Variants in CNTN4 observed in about 807,000 individuals in gnomAD.
The protein encoded by CNTN4 is contactin-4.
Under a neutral mutation model 122.5 loss-of-function variants are expected in CNTN4, and 77 were observed. The ratio of observed to expected loss-of-function variants is 0.63; its 90% CI spans 0.52 to 0.76. The LOEUF (loss-of-function observed/expected upper bound fraction) is 0.76, where lower values mean the gene tolerates loss of function less well. Among genes scored for constraint, CNTN4 ranks in the 30% least tolerant of loss-of-function variants. CNTN4 has a pLI of 0.00. For synonymous variants in CNTN4, 512 were observed against 447.0 expected, an observed-to-expected ratio of 1.15 and a Z score of -1.83; for missense variants, 1,256 against 1,259.1, an observed-to-expected ratio of 1.00 and a Z score of 0.04.
At chr3:2,724,919 G>GC (rs1435603208) in intron 4 of CNTN4, among the ~76,000 whole-genome samples, 2 of 151,956 alleles carry the variant, frequency 1.3e-5, no homozygotes, top group Non-Finnish European at 2.9e-5. Flanking sequence ...GCGTTGGAGA[G>GC]ATAGCTGGGG....
At chr3:2,139,887 G>GTTT (rs745807522) in intron 2 of CNTN4, among the ~76,000 whole-genome samples, 9 of 152,208 alleles carry the variant, frequency 5.9e-5, no homozygotes, top group African/African-American at 9.6e-5. Context: ...ACCTGATACG[G>GTTT]TTTGTCTGTG....
chr3:2,564,267 T>G (rs983991029), intron 3 of CNTN4, among the ~76,000 whole-genome samples: 1 of 152,142 alleles, frequency 6.6e-6, no homozygotes, highest in Non-Finnish European at 1.5e-5. Flanking sequence ...AAAGTAAAAG[T>G]TAAATAAAAC....
chr3:2,981,730 T>C (rs1288245591), intron 13 of CNTN4, among the ~76,000 whole-genome samples: 1 of 152,168 alleles, frequency 6.6e-6, no homozygotes, highest in African/African-American at 2.4e-5. Context: ...CTTTATAGCT[T>C]ATTTCTGGCT....
chr3:2,581,674 G>T (rs2079945258), intron 4 of CNTN4, among the ~76,000 whole-genome samples: 1 of 152,074 alleles, frequency 6.6e-6, no homozygotes, highest in South Asian at 2.1e-4. Context: ...AAATTGCATT[G>T]ACCAAAACAG....
intron 3 of CNTN4, among the ~76,000 whole-genome samples, chr3:2,504,050 G>C (rs9990151): frequency 0.38 from 57,698 of 151,590 alleles, 11,167 homozygotes; most frequent in Admixed American, 0.47. Flanking sequence ...AAAAATGCTA[G>C]AACAAAATAG....
chr3:2,376,880 G>A (rs1417763156), intron 3 of CNTN4, among the ~76,000 whole-genome samples: 1 of 152,012 alleles, frequency 6.6e-6, no homozygotes, highest in East Asian at 1.9e-4. Context: ...GAGCTCAGCA[G>A]GGCGCGGTGG....
Position 2,581,187 on chromosome 3 carries a change from T to C in CNTN4, c.55+9629T>C, listed in dbSNP as rs73805340. On this transcript the variant is annotated intron_variant, in intron 4 of 24. Transcript: ENST00000418658. ...CTTGTTTTAACAAGGCCTCCAAGGG[T>C]TGTGTTTCTCAATCTTACCAGCCTG... is the stretch of plus-strand genomic sequence containing the variant. Among the ~76,000 whole-genome samples the C allele has an allele frequency of 5.3e-3, 811 of 152,164 alleles. 12 individuals carry two copies. Among genetic ancestry groups the C allele is most frequent in the African/African-American group, 0.019 (775 of 41,530 alleles).
At chr3:2,538,015 C>T (rs1426569820) in intron 3 of CNTN4, among the ~76,000 whole-genome samples, 1 of 151,806 alleles carries the variant, frequency 6.6e-6, no homozygotes. Context: ...CTGATTGTGA[C>T]CTTATTTGTA....
At chr3:2,862,863 G>A (rs983107164) in intron 7 of CNTN4, among the ~76,000 whole-genome samples, 3 of 152,052 alleles carry the variant, frequency 2.0e-5, no homozygotes, top group Non-Finnish European at 2.9e-5. Context: ...GGTTCTTAAG[G>A]GAAATCTCAA....
intron 24 of CNTN4, among the ~76,000 whole-genome samples, chr3:3,054,308 C>T (rs1359968527): frequency 2.6e-5 from 4 of 152,054 alleles, no homozygotes; most frequent in Non-Finnish European, 4.4e-5. Context: ...AAAGCATTGA[C>T]TCAGTCAGAA....
intron 4 of CNTN4, among the ~76,000 whole-genome samples, chr3:2,712,901 G>T (rs909731977): frequency 9.9e-5 from 15 of 152,186 alleles, no homozygotes; most frequent in Non-Finnish European, 2.2e-4. Context: ...GATCCTGGAG[G>T]GTGGCTCACC....
chr3:2,816,794 C>A (rs2092742037), intron 6 of CNTN4, among the ~76,000 whole-genome samples: 2 of 122,740 alleles, frequency 1.6e-5, no homozygotes, highest in African/African-American at 6.2e-5. Flanking sequence ...GCACTCCAGT[C>A]TGGCAACAGA....
At chr3:2,903,101 A>C in intron 12 of CNTN4, 96 bp downstream of exon 12, 2 of 1,275,780 alleles carry the variant, frequency 1.6e-6, no homozygotes, top group Admixed American at 2.0e-5. Flanking sequence ...ATCCAAGAAA[A>C]GGAGTAAAGA....
At chr3:2,663,827 G>A (rs1380780780) in intron 4 of CNTN4, among the ~76,000 whole-genome samples, 1 of 152,140 alleles carries the variant, frequency 6.6e-6, no homozygotes, top group African/African-American at 2.4e-5. Flanking sequence ...AGGGAATAAA[G>A]TACTGATGCA....
rs1031694441 is a variant in CNTN4 at position 2,618,154 on chromosome 3, T to C, written c.55+46596T>C. 2.0e-5 allele frequency among the ~76,000 whole-genome samples: 3 copies of C among 152,126 alleles called. No homozygotes were observed. The East Asian group carries it at 5.8e-4, about 29-fold the overall frequency. ...TAGGTATGGGGGAATGGATAATGCT[T>C]AGAACCATCCTGGCACATAGAAAGT... On this transcript the variant is annotated intron_variant, in intron 4 of 24. Coordinates refer to ENST00000418658, the MANE Select transcript of CNTN4 (RefSeq NM_175607.3).
chr3:2,745,813 A>G, intron 6 of CNTN4, 116 bp downstream of exon 6: 2 of 894,742 alleles, frequency 2.2e-6, no homozygotes, highest in South Asian at 3.0e-5. Flanking sequence ...TTACATGATC[A>G]TCTTTACTCT....
chr3:2,639,173 A>G (rs1576312034), intron 4 of CNTN4, among the ~76,000 whole-genome samples: 1 of 152,150 alleles, frequency 6.6e-6, no homozygotes, highest in Non-Finnish European at 1.5e-5. Context: ...GAGCAAAGCC[A>G]AAGTCCTTCT....
At chr3:2,124,290 G>T (rs1227589014) in intron 2 of CNTN4, among the ~76,000 whole-genome samples, 3 of 152,110 alleles carry the variant, frequency 2.0e-5, no homozygotes, top group African/African-American at 7.2e-5. Flanking sequence ...TTTCTCAACG[G>T]TTAGCCATGC....
At chr3:2,818,955 T>C (rs370367047) in intron 6 of CNTN4, among the ~76,000 whole-genome samples, 1 of 152,248 alleles carries the variant, frequency 6.6e-6, no homozygotes, top group South Asian at 2.1e-4. Flanking sequence ...GAGACAAGTA[T>C]AATTATATAT....
Sources: gnomAD v4.1 joint callset for allele counts (sites outside exome capture counted in the v4.1 genomes callset) on GRCh38, gnomAD v4.1.1 for gene constraint, MANE v1.5 for transcripts, NCBI Gene and HGNC (gene_info 2026-07-23, HGNC 2026-07-21) for gene names.